Variants in RBFOX1 observed in about 807,000 individuals in gnomAD.
RBFOX1 encodes RNA binding fox-1 homolog 1, also known as RNA binding protein fox-1 homolog 1.
Under a neutral mutation model 57.7 loss-of-function variants are expected in RBFOX1, and 8 were observed. The ratio of observed to expected loss-of-function variants is 0.14; its 90% CI spans 0.08 to 0.25. RBFOX1 has a LOEUF of 0.25. Among genes scored for constraint, RBFOX1 ranks in the 10% least tolerant of loss-of-function variants. The probability of loss-of-function intolerance (pLI) is 1.00; values close to 1 mark genes in which losing one functional copy is unlikely to be tolerated. For missense variants in RBFOX1, 611 were observed against 548.5 expected (o/e 1.11, Z -1.14); for synonymous variants, 326 against 222.4 (o/e 1.47, Z -4.15).
chr16:7,204,838 G>C (rs560960954), intron 4 of RBFOX1, among the ~76,000 whole-genome samples: 2 of 152,022 alleles, frequency 1.3e-5, no homozygotes, highest in Non-Finnish European at 2.9e-5. Context: ...CCTCCGCACA[G>C]TTTCTGGCAT....
intron 2 of RBFOX1, among the ~76,000 whole-genome samples, chr16:6,449,564 C>T (rs2094549710): frequency 6.6e-6 from 1 of 152,128 alleles, no homozygotes; most frequent in Non-Finnish European, 1.5e-5. Flanking sequence ...GATTTATTCC[C>T]CTTTTCCACT....
intron 4 of RBFOX1, among the ~76,000 whole-genome samples, chr16:7,155,486 C>T (rs996161202): frequency 1.3e-5 from 2 of 151,178 alleles, no homozygotes; most frequent in African/African-American, 2.4e-5. Context: ...GTCTCAGCTC[C>T]TTGGGAGGCT....
chr16:5,381,739 T>C (rs1329200730), intron 1 of RBFOX1, among the ~76,000 whole-genome samples: 1 of 152,208 alleles, frequency 6.6e-6, no homozygotes, highest in Non-Finnish European at 1.5e-5. Flanking sequence ...TTAATGTCGC[T>C]TCATAATCTC....
intron 3 of RBFOX1, among the ~76,000 whole-genome samples, chr16:5,732,961 G>A (rs557839808): frequency 6.6e-6 from 1 of 152,240 alleles, no homozygotes; most frequent in African/African-American, 2.4e-5. Context: ...AGCTTTTTGG[G>A]GTGATGGAAA....
At chr16:6,148,601 C>T (rs1047840271) in intron 1 of RBFOX1, among the ~76,000 whole-genome samples, 2 of 152,042 alleles carry the variant, frequency 1.3e-5, no homozygotes, top group African/African-American at 4.8e-5. Context: ...TAGATGAATC[C>T]CCTTTGACTA....
chr16:7,700,300 C>A (rs575275886), intron 14 of RBFOX1, among the ~76,000 whole-genome samples: 1 of 152,108 alleles, frequency 6.6e-6, no homozygotes, highest in Non-Finnish European at 1.5e-5. Flanking sequence ...CATAACCCTC[C>A]TCTCACCCTC....
chr16:5,866,134 AT>A (rs1428089739), intron 3 of RBFOX1, among the ~76,000 whole-genome samples: 2 of 151,982 alleles, frequency 1.3e-5, no homozygotes, highest in Non-Finnish European at 2.9e-5. Context: ...TGCCCAGCTA[AT>A]TTTTTGTGTT....
At chr16:6,988,020 A>G (rs75251525) in intron 3 of RBFOX1, among the ~76,000 whole-genome samples, 7,958 of 151,312 alleles carry the variant, frequency 0.053, 241 homozygotes, top group African/African-American at 0.072. Context: ...GTTTCTGGTG[A>G]AAAAAAAATT....
At chr16:6,873,929 T>C (rs1285955819) in intron 3 of RBFOX1, 2 of 152,116 alleles carry the variant, frequency 1.3e-5, no homozygotes, top group Middle Eastern at 3.2e-3. Context: ...TATACTAACA[T>C]TGGAATGATA....
At chr16:5,372,372 A>T (rs546530773) in intron 1 of RBFOX1, among the ~76,000 whole-genome samples, 2 of 152,214 alleles carry the variant, frequency 1.3e-5, no homozygotes, top group Non-Finnish European at 2.9e-5. Flanking sequence ...AGTGAGGTCT[A>T]TGTATTGGGT....
chr16:6,896,252 G>C (rs2066885261), intron 3 of RBFOX1, among the ~76,000 whole-genome samples: 3 of 152,110 alleles, frequency 2.0e-5, no homozygotes, highest in South Asian at 2.1e-4. Flanking sequence ...TGCAGTTTGA[G>C]ACTGTCTCAA....
chr16:7,209,720 G>C (rs903480136), intron 4 of RBFOX1, among the ~76,000 whole-genome samples: 1 of 152,168 alleles, frequency 6.6e-6, no homozygotes, highest in African/African-American at 2.4e-5. Flanking sequence ...CCTTCACTGA[G>C]TGTAACCTTT....
At chr16:5,867,687 T>C (rs1008359508) in intron 4 of RBFOX1, among the ~76,000 whole-genome samples, 3 of 152,152 alleles carry the variant, frequency 2.0e-5, no homozygotes, top group African/African-American at 7.2e-5. Context: ...TTTTGGCTTT[T>C]CTTTGTATAT....
intron 4 of RBFOX1, among the ~76,000 whole-genome samples, chr16:7,365,452 C>G (rs1006749156): frequency 2.0e-5 from 3 of 152,312 alleles, no homozygotes; most frequent in East Asian, 3.9e-4. Context: ...TATTAAAATT[C>G]TTTCAGTGAG....
chr16:6,179,392 C>G (rs1449651374), intron 1 of RBFOX1, among the ~76,000 whole-genome samples: 1 of 152,146 alleles, frequency 6.6e-6, no homozygotes, highest in African/African-American at 2.4e-5. Context: ...CTAGGTTTAT[C>G]TGTATAAAGG....
chr16:5,784,126 A>T (rs2054417052), intron 3 of RBFOX1, among the ~76,000 whole-genome samples: 1 of 152,120 alleles, frequency 6.6e-6, no homozygotes, highest in Non-Finnish European at 1.5e-5. Flanking sequence ...GCAGAAGGTG[A>T]AGAGGAAGCA....
At chr16:7,590,200 A>C (rs552197914) in intron 7 of RBFOX1, among the ~76,000 whole-genome samples, 2 of 151,794 alleles carry the variant, frequency 1.3e-5, no homozygotes, top group South Asian at 4.2e-4. Flanking sequence ...CCAGGAGGTC[A>C]AGGCTTTACT....
At chr16:7,680,837 C>T (rs1223723022) in intron 14 of RBFOX1, among the ~76,000 whole-genome samples, 2 of 152,020 alleles carry the variant, frequency 1.3e-5, no homozygotes, top group African/African-American at 2.4e-5. Flanking sequence ...ATAAATGTTA[C>T]GTAGCTCAAC....
At chr16:5,301,777 C>G (rs1173642598) in intron 1 of RBFOX1, among the ~76,000 whole-genome samples, 2 of 152,082 alleles carry the variant, frequency 1.3e-5, no homozygotes, top group East Asian at 1.9e-4. Context: ...CAGATGAAAC[C>G]CTGTAGAAAC....
Sources: gnomAD v4.1 joint callset for allele counts (sites outside exome capture counted in the v4.1 genomes callset) on GRCh38, gnomAD v4.1.1 for gene constraint, MANE v1.5 for transcripts, NCBI Gene and HGNC (gene_info 2026-07-23, HGNC 2026-07-21) for gene names.